The following LOXHD1 variants were observed in gnomAD, a reference collection of about 807,000 sequenced individuals.
The protein encoded by LOXHD1 is lipoxygenase homology PLAT domains 1.
LOXHD1 carries 205 observed loss-of-function variants against 248.2 expected under a neutral mutation model. The observed-to-expected ratio is 0.83, with a 90% confidence interval of 0.74 to 0.93. LOXHD1 has a LOEUF of 0.93. Ranked by LOEUF, LOXHD1 falls within the 40% of genes least tolerant of loss-of-function variation. The pLI, the probability that LOXHD1 is intolerant of heterozygous loss-of-function variation, is 0.00. For missense variants in LOXHD1, 2,930 were observed against 2,971.6 expected (o/e 0.99, Z 0.33); for synonymous variants, 1,113 against 1,162.8 (o/e 0.96, Z 0.87).
chr18:46,524,580 T>A lies in LOXHD1; in HGVS notation c.4762A>T (p.Ser1588Cys), dbSNP rs2035734573. The A allele has an allele frequency of 6.4e-7, 1 of 1,551,622 alleles. No homozygotes were observed. Among genetic ancestry groups the A allele is most frequent in the Non-Finnish European group, 8.7e-7 (1 of 1,147,014 alleles). Residue 1588 changes from serine (S) to cysteine (C), a missense_variant, in exon 31 of 41, where the codon AGC becomes TGC. Physicochemically the swap from Ser to Cys is moderately radical, Grantham distance 112. Transcript: ENST00000642948. ...YEKEYTGDRS[S>C]NCSSPADFWE... ...AAGTCAGCAGGGCTGCTGCAGTTGC[T>A]GCTGCGGTCCCCAGTGTACTCCTGT... is the stretch of plus-strand genomic sequence containing the variant.
In LOXHD1 at chr18:46,560,274, G is replaced by A. The variant is rs1440105492; in HGVS notation, c.2870C>T (p.Ser957Leu). The A allele has an allele frequency of 1.9e-6, 3 of 1,551,572 alleles. No individual in the cohort carries two copies. Among genetic ancestry groups the A allele is most frequent in the Middle Eastern group, 1.7e-4 (1 of 5,996 alleles). Residue 957 changes from serine to leucine, a missense_variant, in exon 19 of 41, where the codon TCG becomes TTG. By Grantham distance (145) the Ser-to-Leu change is moderately radical. Coordinates refer to ENST00000642948, the MANE Select transcript of LOXHD1 (RefSeq NM_001384474.1). ...TGACGAGGACTCCTCTGATGAGGAC[G>A]ACTCCTCTTCCTCCCCCTCGTCCTC... The part of the protein sequence containing the change: ...DEEDEGEEEE[S>L]SSSEESSSEE...
Position 46,536,282 on chromosome 18 carries a change from C to CAG in LOXHD1, c.4096-1833_4096-1832dup, listed in dbSNP as rs564855526. On this transcript the variant is annotated intron_variant, in intron 26 of 40. Coordinates refer to ENST00000642948, the MANE Select transcript of LOXHD1 (RefSeq NM_001384474.1). The stretch of plus-strand genomic sequence containing the variant: ...AACATCTTTTCTTAGGAGGGGGCCA[C>CAG]AGAGAGAGGAAGCGGCTTCCTCCTG... Among the ~76,000 whole-genome samples, 1,274 of 152,170 alleles carry CAG rather than the reference C, an allele frequency of 8.4e-3. 7 individuals are homozygous for CAG. Among genetic ancestry groups the CAG allele is most frequent in the Non-Finnish European group, 0.011 (738 of 68,010 alleles).
chr18:46,534,325 A>G lies in LOXHD1; in HGVS notation c.4212+10T>C. 1 of 1,544,426 alleles carries G rather than the reference A, an allele frequency of 6.5e-7. No homozygotes were observed. Among genetic ancestry groups the G allele is most frequent in the Non-Finnish European group, 8.8e-7 (1 of 1,140,490 alleles). The stretch of plus-strand genomic sequence containing the variant: ...AAAGAAACAGCAGGACAGACCAGTC[A>G]ACAACTCACGTCTTTATCCGGGAGG... On this transcript the variant is annotated intron_variant, in intron 27 of 40. Transcript: ENST00000642948.
downstream of LOXHD1, chr18:46,477,126 A>G (rs2032066594): frequency 1.4e-6 from 1 of 716,538 alleles, no homozygotes; most frequent in Non-Finnish European, 2.6e-6. Flanking sequence ...CTTAAAATAC[A>G]CCATCTTGAT....
chr18:46,532,736 T>A lies in LOXHD1; in HGVS notation c.4375+426A>T, dbSNP rs2036128239. On this transcript the variant is annotated intron_variant, in intron 28 of 40. Transcript: ENST00000642948. ...CACAATGGTTCCAGTTACATATAAA[T>A]CAAGAAGGTTTCTTGATTCATACTA... Among the ~76,000 whole-genome samples, 4 of 152,110 alleles carry A rather than the reference T, an allele frequency of 2.6e-5. 1 individual carries two copies. Among genetic ancestry groups the A allele is most frequent in the Admixed American group, 2.6e-4 (4 of 15,260 alleles).
rs905155428 is a variant in LOXHD1, at chr18:46,588,310, T to A, written c.1654+3623A>T. The stretch of plus-strand genomic sequence containing the variant: ...TATAGCCAGGGACCCCCGGAAGACA[T>A]CAAACTGCCTTATAGCCACAACAGA... On this transcript the variant is annotated intron_variant, in intron 12 of 40. Coordinates refer to ENST00000642948, the MANE Select transcript of LOXHD1 (RefSeq NM_001384474.1). 3.3e-5 allele frequency among the ~76,000 whole-genome samples: 5 copies of A among 152,180 alleles called. No homozygotes were observed. In the East Asian group the frequency reaches 9.7e-4, roughly 29 times the overall value.
At chr18:46,569,406 G>C in intron 16 of LOXHD1, 36 bp downstream of exon 16, 1 of 1,524,074 alleles carries the variant, frequency 6.6e-7, no homozygotes, top group East Asian at 2.5e-5. Context: ...GGAAATGGGT[G>C]GGATGATGTC....
In LOXHD1 at chr18:46,518,181, A is replaced by T; in HGVS notation, c.5347T>A (p.Tyr1783Asn). The T allele has an allele frequency of 5.2e-6, 8 of 1,551,696 alleles. No individual in the cohort carries two copies. The highest frequency in any genetic ancestry group is 7.0e-6 in the Non-Finnish European group (8 of 1,146,976). Reference protein sequence around the residue: ...GTDSNIFMTLYGINGSTEEMQ... With the variant: ...GTDSNIFMTLNGINGSTEEMQ... ...TCCTCTGTGCTCCCGTTGATGCCGT[A>T]GAGGGTCATGAAGATGTTGGAGTCA... The change falls in exon 34 of 41, where the codon TAC becomes AAC. Residue 1783 changes from tyrosine to asparagine, a missense_variant. Tyr to Asn is a moderately radical substitution (Grantham distance 143). Coordinates refer to ENST00000642948, the MANE Select transcript of LOXHD1 (RefSeq NM_001384474.1).
intron 22 of LOXHD1, among the ~76,000 whole-genome samples, 200 bp from the exon 23 acceptor site, chr18:46,545,621 CCATTT>C (rs1410306067): frequency 2.2e-4 from 26 of 119,198 alleles, no homozygotes; most frequent in Non-Finnish European, 4.2e-4. Context: ...TTCCTCTTGG[CCATTT>C]CTTTTTTTTT....
chr18:46,576,964 C>T (rs1171853440), intron 14 of LOXHD1, among the ~76,000 whole-genome samples: 1 of 152,216 alleles, frequency 6.6e-6, no homozygotes, highest in African/African-American at 2.4e-5. Context: ...CTCAGTGTAG[C>T]TACCCTTGAG....
At chr18:46,633,960 G>C (rs2038860209) in intron 4 of LOXHD1, among the ~76,000 whole-genome samples, 1 of 152,206 alleles carries the variant, frequency 6.6e-6, no homozygotes, top group Admixed American at 6.5e-5. Context: ...TGTTGGTCAG[G>C]ATCTGGAGAA....
intron 33 of LOXHD1, chr18:46,520,275 A>C: frequency 2.1e-6 from 1 of 470,992 alleles, no homozygotes; most frequent in African/African-American, 2.0e-5. Flanking sequence ...GAGCACACTC[A>C]GGTCCAGGTG....
chr18:46,593,105 T>C (rs929060422), intron 10 of LOXHD1, among the ~76,000 whole-genome samples: 1 of 152,208 alleles, frequency 6.6e-6, no homozygotes, highest in Non-Finnish European at 1.5e-5. Flanking sequence ...AATTACAAAT[T>C]ATTCCTACCT....
At chr18:46,655,934 T>C (rs1288193868) in intron 1 of LOXHD1, among the ~76,000 whole-genome samples, 2 of 152,162 alleles carry the variant, frequency 1.3e-5, no homozygotes, top group Non-Finnish European at 1.5e-5. Context: ...GGATCAGAAC[T>C]GGGCTTTCAG....
At chr18:46,525,768 G>C (rs1037202538) in intron 29 of LOXHD1, among the ~76,000 whole-genome samples, 1 of 152,090 alleles carries the variant, frequency 6.6e-6, no homozygotes, top group Non-Finnish European at 1.5e-5. Flanking sequence ...AAGATTTGCT[G>C]GGTGCAGGTG....
intron 12 of LOXHD1, among the ~76,000 whole-genome samples, chr18:46,590,779 TCTAA>T (rs1259379467): frequency 2.0e-5 from 3 of 152,278 alleles, no homozygotes; most frequent in Non-Finnish European, 1.5e-5. Context: ...TAACTCTGTC[TCTAA>T]CTAACTGTGT....
chr18:46,483,527 C>T (rs1239813469), intron 40 of LOXHD1, 60 bp downstream of exon 40: 3 of 1,542,732 alleles, frequency 1.9e-6, no homozygotes, highest in East Asian at 4.9e-5. Flanking sequence ...CATGGTCCAG[C>T]TCAGTCCCTG....
At chr18:46,492,942 T>C (rs2033589418) in intron 37 of LOXHD1, among the ~76,000 whole-genome samples, 1 of 152,214 alleles carries the variant, frequency 6.6e-6, no homozygotes, top group African/African-American at 2.4e-5. Context: ...ATATTAATCT[T>C]TTAAAATGAT....
Position 46,545,627 on chromosome 18 carries a change from C to CTTTTTTTTT in LOXHD1, c.3515-215_3515-207dup, listed in dbSNP as rs56323729. On this transcript the variant is annotated intron_variant, in intron 22 of 40. Coordinates refer to ENST00000642948, the MANE Select transcript of LOXHD1 (RefSeq NM_001384474.1). Reference sequence around the variant, plus strand: ...GTTTCTATGTTCCTCTTGGCCATTTCTTTTTTTTTTTTTTTTTTTTGAGAC... The same window carrying CTTTTTTTTT: ...GTTTCTATGTTCCTCTTGGCCATTTCTTTTTTTTTTTTTTTTTTTTTTTTTTTTTGAGAC... 3.4e-3 allele frequency among the ~76,000 whole-genome samples: 313 copies of CTTTTTTTTT among 92,198 alleles called. 15 individuals are homozygous for CTTTTTTTTT. Among genetic ancestry groups the CTTTTTTTTT allele is most frequent in the Middle Eastern group, 7.9e-3 (1 of 126 alleles). The allele number at this position is 92,198 out of a possible 152,430, so 60.5% of individuals were successfully genotyped here.
Sources: gnomAD v4.1 joint callset for allele counts (sites outside exome capture counted in the v4.1 genomes callset) on GRCh38, gnomAD v4.1.1 for gene constraint, MANE v1.5 for transcripts, NCBI Gene and HGNC (gene_info 2026-07-23, HGNC 2026-07-21) for gene names.